The following SLC60A2 variants were observed in gnomAD, a reference collection of about 807,000 sequenced individuals.
SLC60A2 encodes the protein solute carrier family 60 member 2.
At chr6:111,271,216 G>A in the SLC60A2 span, 1 of 145,386 alleles carries the variant, frequency 6.9e-6, no homozygotes, top group Admixed American at 6.9e-5. Flanking sequence ...GAATATGAGG[G>A]AAATAAGTAA....
chr6:111,275,409 C>CTTTT, the SLC60A2 span, among the ~76,000 whole-genome samples: 3 of 139,780 alleles, frequency 2.1e-5, no homozygotes, highest in Non-Finnish European at 4.6e-5. Flanking sequence ...CTCAGAACAA[C>CTTTT]TTTTTTTTTT....
the SLC60A2 span, chr6:111,267,074 T>C: frequency 4.3e-6 from 7 of 1,613,140 alleles, no homozygotes; most frequent in Non-Finnish European, 5.1e-6. Context: ...GCAGTGCCCA[T>C]GTGAAGCACT....
chr6:111,261,598 A>T, the SLC60A2 span, among the ~76,000 whole-genome samples: 14 of 151,954 alleles, frequency 9.2e-5, no homozygotes, highest in African/African-American at 2.9e-4. Context: ...TTAATTAATT[A>T]ATTTATTCTT....
At chr6:111,270,017 G>T in the SLC60A2 span, 6 of 120,936 alleles carry the variant, frequency 5.0e-5, no homozygotes, top group East Asian at 1.3e-3. Flanking sequence ...GTACAGGGCC[G>T]CTTCAGTACA....
chr6:111,263,328 T>G, the SLC60A2 span, among the ~76,000 whole-genome samples: 1 of 152,338 alleles, frequency 6.6e-6, no homozygotes, highest in East Asian at 1.9e-4. Flanking sequence ...GAATAATTTG[T>G]TATTGTTAAG....
the SLC60A2 span, among the ~76,000 whole-genome samples, chr6:111,274,119 G>A: frequency 6.6e-6 from 1 of 152,136 alleles, no homozygotes; most frequent in East Asian, 1.9e-4. Flanking sequence ...GCCTCCCAAA[G>A]TACTGGGATT....
the SLC60A2 span, among the ~76,000 whole-genome samples, chr6:111,271,775 T>TAGAAAAAAAAAAA: frequency 5.3e-5 from 1 of 18,836 alleles, no homozygotes; most frequent in Non-Finnish European, 9.4e-5. Flanking sequence ...CCATCTCTAC[T>TAGAAAAAAAAAAA]AAAAAAAAAA....
the SLC60A2 span, chr6:111,266,183 T>C: frequency 2.1e-5 from 34 of 1,612,916 alleles, no homozygotes; most frequent in East Asian, 6.9e-4. Flanking sequence ...TTTTAAAGAA[T>C]AGCTCAAAGC....
the SLC60A2 span, chr6:111,262,412 T>C: frequency 1.9e-6 from 3 of 1,612,314 alleles, no homozygotes; most frequent in East Asian, 2.2e-5. Flanking sequence ...TCATGAATTA[T>C]TTTTTACTTT....
chr6:111,270,138 G>A, the SLC60A2 span: 1 of 152,128 alleles, frequency 6.6e-6, no homozygotes, highest in African/African-American at 2.4e-5. Context: ...TCTCACAGAT[G>A]CCTCTCACAA....
chr6:111,262,090 AT>A, the SLC60A2 span, among the ~76,000 whole-genome samples: 1 of 152,156 alleles, frequency 6.6e-6, no homozygotes, highest in Admixed American at 6.5e-5. Context: ...CAAAAAAAAA[AT>A]AAGAGTTTTA....
the SLC60A2 span, among the ~76,000 whole-genome samples, chr6:111,272,029 T>C: frequency 6.6e-6 from 1 of 152,108 alleles, no homozygotes; most frequent in African/African-American, 2.4e-5. Context: ...TCCCCAATCC[T>C]GCTACTTAAA....
the SLC60A2 span, chr6:111,265,741 A>G: frequency 2.5e-5 from 17 of 689,110 alleles, no homozygotes; most frequent in Middle Eastern, 4.1e-4. Flanking sequence ...TTTAGTTGCA[A>G]TGTTTGATAA....
chr6:111,279,703 T>C, the SLC60A2 span, among the ~76,000 whole-genome samples: 1 of 152,134 alleles, frequency 6.6e-6, no homozygotes, highest in African/African-American at 2.4e-5. Context: ...TCTAGGCAGG[T>C]TTTCACCAGT....
At chr6:111,277,720 G>A in the SLC60A2 span, among the ~76,000 whole-genome samples, 1 of 152,162 alleles carries the variant, frequency 6.6e-6, no homozygotes, top group South Asian at 2.1e-4. Flanking sequence ...CTTGGTGTGT[G>A]TTTTTGTTTG....
At chr6:111,267,945 G>T in the SLC60A2 span, 1 of 152,236 alleles carries the variant, frequency 6.6e-6, no homozygotes, top group African/African-American at 2.4e-5. Context: ...GGCCCAAGGG[G>T]TCGGGCTTCA....
At chr6:111,259,656 C>G in the SLC60A2 span, 2 of 1,571,972 alleles carry the variant, frequency 1.3e-6, no homozygotes, top group Non-Finnish European at 1.7e-6. Context: ...GGTCTCCTGG[C>G]AGAGCGGTGG....
the SLC60A2 span, among the ~76,000 whole-genome samples, chr6:111,260,265 A>C: frequency 1.3e-5 from 2 of 152,292 alleles, no homozygotes; most frequent in African/African-American, 4.8e-5. Context: ...AGAGGGGTTC[A>C]CCAGGTCTTT....
the SLC60A2 span, chr6:111,259,827 C>T: frequency 2.8e-6 from 3 of 1,066,216 alleles, no homozygotes; most frequent in Non-Finnish European, 4.0e-6. Flanking sequence ...CTGACTGGGC[C>T]TCAGTTTCAT....
Sources: gnomAD v4.1 joint callset for allele counts (sites outside exome capture counted in the v4.1 genomes callset) on GRCh38, gnomAD v4.1.1 for gene constraint, MANE v1.5 for transcripts, NCBI Gene and HGNC (gene_info 2026-07-23, HGNC 2026-07-21) for gene names.